MAGI2: variants seen among roughly 807,000 people sequenced by gnomAD.
The protein encoded by MAGI2 is membrane-associated guanylate kinase, WW and PDZ domain-containing protein 2.
Under a neutral mutation model 133.3 loss-of-function variants are expected in MAGI2, and 35 were observed. The ratio of observed to expected loss-of-function variants is 0.26; its 90% CI spans 0.20 to 0.35. The LOEUF (loss-of-function observed/expected upper bound fraction) is 0.35, where lower values mean the gene tolerates loss of function less well. Ranked by LOEUF, MAGI2 falls within the 10% of genes least tolerant of loss-of-function variation. MAGI2 has a pLI of 1.00. For synonymous variants in MAGI2, 729 were observed against 710.6 expected (o/e 1.03, Z -0.41); for missense variants, 1,636 against 1,863.4 (o/e 0.88, Z 2.25).
intron 6 of MAGI2, among the ~76,000 whole-genome samples, chr7:78,455,460 G>GAGT (rs1789209194): frequency 6.6e-6 from 1 of 152,102 alleles, no homozygotes. Context: ...AATGTAGACA[G>GAGT]AATAAGACCA....
intron 2 of MAGI2, among the ~76,000 whole-genome samples, chr7:78,780,550 C>T (rs1826314410): frequency 6.6e-6 from 1 of 152,164 alleles, no homozygotes; most frequent in Non-Finnish European, 1.5e-5. Flanking sequence ...TAATATAACT[C>T]TCAATAATCC....
At chr7:79,198,971 A>G (rs1446695855) in intron 1 of MAGI2, among the ~76,000 whole-genome samples, 3 of 152,004 alleles carry the variant, frequency 2.0e-5, no homozygotes, top group African/African-American at 7.3e-5. Flanking sequence ...CCAGCTTTCC[A>G]AAGACCTACT....
At chr7:78,745,326 C>T (rs1166574981) in intron 2 of MAGI2, among the ~76,000 whole-genome samples, 1 of 152,100 alleles carries the variant, frequency 6.6e-6, no homozygotes. Context: ...GTGCATTTCC[C>T]ACAGTACCAG....
At chr7:79,122,934 C>T (rs1047487968) in intron 1 of MAGI2, among the ~76,000 whole-genome samples, 2 of 151,948 alleles carry the variant, frequency 1.3e-5, no homozygotes, top group Non-Finnish European at 2.9e-5. Context: ...TCAGGTGATC[C>T]AATATCTTTA....
intron 11 of MAGI2, among the ~76,000 whole-genome samples, chr7:78,198,574 G>A (rs1459679468): frequency 6.6e-6 from 1 of 152,130 alleles, no homozygotes; most frequent in East Asian, 1.9e-4. Flanking sequence ...TGGGACTACA[G>A]GCATATGCCA....
intron 1 of MAGI2, among the ~76,000 whole-genome samples, chr7:79,433,239 C>G (rs1369679143): frequency 1.3e-5 from 2 of 151,992 alleles, no homozygotes; most frequent in African/African-American, 4.8e-5. Flanking sequence ...CACTTTAAGG[C>G]AGGAGTAGGT....
chr7:78,167,803 C>T lies in MAGI2; in HGVS notation c.2596+113G>A. The T allele has an allele frequency of 6.2e-6, 6 of 960,536 alleles. 1 individual carries two copies. Among genetic ancestry groups the T allele is most frequent in the South Asian group, 2.1e-5 (1 of 47,770 alleles). 59.5% of individuals were successfully genotyped at this position (960,536 alleles called of 1,614,324 possible). On this transcript the variant is annotated intron_variant, in intron 15 of 21. Transcript: ENST00000354212. ...TTGGAATATCTAGGTTGTTTCCTTC[C>T]TCATATAATGTAGAAATGGATTTAA...
At chr7:79,026,439 G>A (rs1391126695) in intron 1 of MAGI2, among the ~76,000 whole-genome samples, 9 of 152,072 alleles carry the variant, frequency 5.9e-5, no homozygotes, top group South Asian at 2.1e-4. Context: ...AAAATGTCAC[G>A]TAGAAGCAAG....
At chr7:79,168,025 G>A (rs1188178541) in intron 1 of MAGI2, among the ~76,000 whole-genome samples, 1 of 152,112 alleles carries the variant, frequency 6.6e-6, no homozygotes, top group Non-Finnish European at 1.5e-5. Flanking sequence ...TAACTAGGGA[G>A]ACCCATACCT....
chr7:79,317,672 G>A (rs546569327), intron 1 of MAGI2, among the ~76,000 whole-genome samples: 5 of 152,040 alleles, frequency 3.3e-5, no homozygotes, highest in East Asian at 3.9e-4. Flanking sequence ...CCCAATTCAC[G>A]CAAGCTACAT....
chr7:79,086,381 T>C lies in MAGI2; in HGVS notation c.302-79175A>G, dbSNP rs996779239. On this transcript the variant is annotated intron_variant, in intron 1 of 21. Transcript: ENST00000354212. ...ATGCTCATTTTCACAGTTACTATAG[T>C]TGTGAAGCTGATAATATTCAAGCAT... Among the ~76,000 whole-genome samples, 113 of 151,980 alleles carry C rather than the reference T, an allele frequency of 7.4e-4. 1 individual carries two copies. Among genetic ancestry groups the C allele is most frequent in the South Asian group, 2.1e-4 (1 of 4,826 alleles).
At chr7:78,595,145 C>G (rs1281705477) in intron 3 of MAGI2, among the ~76,000 whole-genome samples, 1 of 145,938 alleles carries the variant, frequency 6.9e-6, no homozygotes, top group African/African-American at 2.7e-5. Context: ...CAGCCCGACC[C>G]TCAGTTTGGT....
intron 6 of MAGI2, among the ~76,000 whole-genome samples, chr7:78,455,669 T>G (rs1789233442): frequency 6.6e-6 from 1 of 152,164 alleles, no homozygotes; most frequent in African/African-American, 2.4e-5. Context: ...CTATTGTTAG[T>G]ATTTTCCTGC....
At chr7:78,939,214 G>C (rs1800779866) in intron 2 of MAGI2, among the ~76,000 whole-genome samples, 2 of 152,144 alleles carry the variant, frequency 1.3e-5, no homozygotes, top group South Asian at 2.1e-4. Flanking sequence ...GGCTGGTCTT[G>C]AACTCCTGAC....
chr7:78,460,702 A>G (rs1276507995), intron 6 of MAGI2, among the ~76,000 whole-genome samples: 1 of 152,188 alleles, frequency 6.6e-6, no homozygotes, highest in Non-Finnish European at 1.5e-5. Flanking sequence ...CAAGGCACTG[A>G]GGCCCTTTGC....
At chr7:79,337,541 C>T (rs1314519319) in intron 1 of MAGI2, among the ~76,000 whole-genome samples, 1 of 152,138 alleles carries the variant, frequency 6.6e-6, no homozygotes, top group Non-Finnish European at 1.5e-5. Context: ...GTAATCTGAG[C>T]AGTTGGTTCA....
At chr7:78,405,621 T>A (rs576994043) in intron 6 of MAGI2, among the ~76,000 whole-genome samples, 1 of 152,210 alleles carries the variant, frequency 6.6e-6, no homozygotes, top group East Asian at 1.9e-4. Flanking sequence ...CTATTAGAGT[T>A]TAACCTTAAA....
At chr7:78,269,064 C>G (rs550428685) in intron 9 of MAGI2, among the ~76,000 whole-genome samples, 40 of 152,220 alleles carry the variant, frequency 2.6e-4, no homozygotes, top group African/African-American at 8.9e-4. Flanking sequence ...TGTTAATTTG[C>G]TGAGAATGAT....
At chr7:78,233,346 A>ATCCG (rs1790177254) in intron 10 of MAGI2, among the ~76,000 whole-genome samples, 1 of 152,180 alleles carries the variant, frequency 6.6e-6, no homozygotes, top group South Asian at 2.1e-4. Context: ...AGCGTCCCGG[A>ATCCG]AGCCACGGGA....
Sources: gnomAD v4.1 joint callset for allele counts (sites outside exome capture counted in the v4.1 genomes callset) on GRCh38, gnomAD v4.1.1 for gene constraint, MANE v1.5 for transcripts, NCBI Gene and HGNC (gene_info 2026-07-23, HGNC 2026-07-21) for gene names.